The following ERG variants were observed in gnomAD, a reference collection of about 807,000 sequenced individuals.
ERG encodes the protein ETS transcription factor ERG.
Under a neutral mutation model 55.3 loss-of-function variants are expected in ERG, and 9 were observed. That is an observed-to-expected ratio of 0.16 (90% CI 0.10 to 0.28). The LOEUF (loss-of-function observed/expected upper bound fraction) is 0.28, where lower values mean the gene tolerates loss of function less well. ERG is among the 10% of genes least tolerant of loss of function. The pLI is 1.00. For missense variants in ERG, 434 were observed against 631.6 expected (o/e 0.69, Z 3.35); for synonymous variants, 223 against 237.3 (o/e 0.94, Z 0.55).
intron 1 of ERG, among the ~76,000 whole-genome samples, chr21:38,463,545 C>T (rs1270599399): frequency 6.6e-6 from 1 of 152,120 alleles, no homozygotes; most frequent in Non-Finnish European, 1.5e-5. Flanking sequence ...TATGCAGGTG[C>T]CAAATGTCAT....
chr21:38,590,520 T>C (rs535664755), intron 1 of ERG, among the ~76,000 whole-genome samples: 1 of 152,344 alleles, frequency 6.6e-6, no homozygotes, highest in African/African-American at 2.4e-5. Context: ...TCTTCTTCCA[T>C]GATCTAAATT....
intron 2 of ERG, among the ~76,000 whole-genome samples, chr21:38,546,413 G>A (rs1248337302): frequency 1.3e-5 from 2 of 152,088 alleles, no homozygotes; most frequent in African/African-American, 4.8e-5. Context: ...CACCCTTCTT[G>A]TGCGGGTGTA....
At chr21:38,496,469 T>C (rs2059380525) in intron 1 of ERG, among the ~76,000 whole-genome samples, 1 of 152,096 alleles carries the variant, frequency 6.6e-6, no homozygotes, top group Admixed American at 6.6e-5. Context: ...GGCTGTAAAA[T>C]CATCTCATTA....
chr21:38,538,414 G>T (rs2059727410), intron 2 of ERG, among the ~76,000 whole-genome samples: 1 of 151,970 alleles, frequency 6.6e-6, no homozygotes, highest in African/African-American at 2.4e-5. Flanking sequence ...GGGTCTAGTT[G>T]GTTCTCCCTC....
intron 1 of ERG, among the ~76,000 whole-genome samples, chr21:38,659,681 A>C (rs1054582618): frequency 2.0e-5 from 3 of 152,244 alleles, no homozygotes; most frequent in African/African-American, 7.2e-5. Context: ...CGAATATGTT[A>C]TTTTGAAAGA....
intron 1 of ERG, among the ~76,000 whole-genome samples, chr21:38,631,734 C>G (rs762648998): frequency 6.6e-6 from 1 of 152,052 alleles, no homozygotes; most frequent in African/African-American, 2.4e-5. Flanking sequence ...TCCCACACCC[C>G]TATCCTGACC....
intron 1 of ERG, among the ~76,000 whole-genome samples, chr21:38,457,240 T>C (rs1369238335): frequency 3.3e-5 from 5 of 152,002 alleles, no homozygotes; most frequent in Admixed American, 1.3e-4. Context: ...ATGGAAAACA[T>C]CCTGGCTAAC....
chr21:38,581,631 G>C (rs1236311896), intron 1 of ERG, among the ~76,000 whole-genome samples: 1 of 152,204 alleles, frequency 6.6e-6, no homozygotes, highest in Admixed American at 6.5e-5. Context: ...CCAGTGGCCA[G>C]TGATTTAATC....
At chr21:38,653,271 T>C (rs1284907264) in intron 1 of ERG, among the ~76,000 whole-genome samples, 2 of 152,334 alleles carry the variant, frequency 1.3e-5, no homozygotes, top group East Asian at 3.9e-4. Flanking sequence ...GGCAAAAACA[T>C]GGACTAAATG....
intron 1 of ERG, among the ~76,000 whole-genome samples, chr21:38,491,965 GCCTATGGGATT>G (rs2059340125): frequency 4.8e-5 from 4 of 83,062 alleles, no homozygotes; most frequent in Non-Finnish European, 1.1e-4. Flanking sequence ...AAGAATTGCT[GCCTATGGGATT>G]TTTCCCAGAA....
chr21:38,612,705 G>A (rs1601313791), intron 1 of ERG, among the ~76,000 whole-genome samples: 3 of 137,236 alleles, frequency 2.2e-5, no homozygotes, highest in South Asian at 4.5e-4. Flanking sequence ...GCTCTGTCAC[G>A]CAGGCTGGAG....
intron 2 of ERG, among the ~76,000 whole-genome samples, chr21:38,504,214 C>A (rs1316338324): frequency 1.3e-5 from 2 of 152,218 alleles, no homozygotes; most frequent in Admixed American, 1.3e-4. Context: ...AAATCCTCAA[C>A]TTCTCAACAC....
intron 2 of ERG, among the ~76,000 whole-genome samples, chr21:38,512,766 GATA>G (rs2059522210): frequency 6.6e-6 from 1 of 152,096 alleles, no homozygotes; most frequent in Admixed American, 6.5e-5. Flanking sequence ...TTTGTAATCA[GATA>G]AAGTATTTTA....
chr21:38,631,395 T>G (rs2060355864), intron 1 of ERG, among the ~76,000 whole-genome samples: 1 of 152,160 alleles, frequency 6.6e-6, no homozygotes, highest in African/African-American at 2.4e-5. Flanking sequence ...TCAGTAACAC[T>G]AAACGCCCAC....
At chr21:38,588,342 C>T (rs1340006838), upstream of ERG, among the ~76,000 whole-genome samples, 1 of 152,162 alleles carries the variant, frequency 6.6e-6, no homozygotes, top group Non-Finnish European at 1.5e-5. Flanking sequence ...CCCTCCAAGC[C>T]CTGCCCCTGG....
At chr21:38,424,622 C>T (rs756221116) in intron 2 of ERG, among the ~76,000 whole-genome samples, 3 of 152,186 alleles carry the variant, frequency 2.0e-5, no homozygotes, top group African/African-American at 7.2e-5. Context: ...TGCTGTGGGG[C>T]GGCACCAGGG....
intron 1 of ERG, among the ~76,000 whole-genome samples, chr21:38,487,671 C>A (rs556298341): frequency 1.3e-5 from 2 of 152,240 alleles, no homozygotes; most frequent in Admixed American, 6.5e-5. Context: ...GGAGGTAGCA[C>A]CTGTAAGGAT....
chr21:38,383,490 T>A lies in ERG; in HGVS notation c.1353A>T (p.Pro451=). 6.5e-7 allele frequency: 1 copy of A among 1,541,130 alleles called. No homozygotes were observed. Among genetic ancestry groups the A allele is most frequent in the Non-Finnish European group, 8.8e-7 (1 of 1,141,574 alleles). ...TSSSFFAAPN[P]YWNSPTGGIY... ...TACCCCCAGTTGGTGAATTCCAGTA[T>A]GGGTTTGGGGCAGCAAAAAAACTGG... The change falls in exon 10 of 10, where the codon CCA becomes CCT. Residue 451 remains proline (P), a synonymous_variant. Coordinates refer to ENST00000288319, the MANE Select transcript of ERG (RefSeq NM_182918.4). This position sits in a 1 kb window ranked among gnomAD's most constrained non-coding sequence, Gnocchi z 5.7.
At chr21:38,369,066 G>T in the ERG span, among the ~76,000 whole-genome samples, 1 of 152,186 alleles carries the variant, frequency 6.6e-6, no homozygotes, top group Non-Finnish European at 1.5e-5. Flanking sequence ...GAATAGTGCT[G>T]CAGAGAACAC....
Sources: allele counts gnomAD v4.1 joint callset (sites outside exome capture counted in the v4.1 genomes callset), GRCh38; gene constraint gnomAD v4.1.1; non-coding constraint Gnocchi (gnomAD v3.1); transcripts MANE v1.5; gene names NCBI Gene and HGNC (gene_info 2026-07-23, HGNC 2026-07-21).